MAML3: variants seen among roughly 807,000 people sequenced by gnomAD.
MAML3 encodes the protein mastermind like transcriptional coactivator 3, also known as mastermind-like protein 3.
In MAML3, 27 loss-of-function variants were observed where a neutral mutation model predicts 101.9. The observed-to-expected ratio is 0.27, with a 90% CI of 0.20 to 0.37. MAML3 has a LOEUF of 0.37. Ranked by LOEUF, MAML3 falls within the 10% of genes least tolerant of loss-of-function variation. The probability of loss-of-function intolerance (pLI) is 1.00; values close to 1 mark genes in which losing one functional copy is unlikely to be tolerated. For missense variants in MAML3, 1,316 were observed against 1,444.9 expected (o/e 0.91, Z 1.45); for synonymous variants, 501 against 555.9 (o/e 0.90, Z 1.39).
chr4:139,762,507 T>C (rs147969064), intron 2 of MAML3, among the ~76,000 whole-genome samples: 12 of 152,254 alleles, frequency 7.9e-5, no homozygotes, highest in African/African-American at 2.9e-4. Flanking sequence ...TGATGAGTAA[T>C]AGTGTTTGCC....
At chr4:140,134,702 G>A (rs1465493514) in intron 1 of MAML3, 1 of 257,650 alleles carries the variant, frequency 3.9e-6, no homozygotes, top group East Asian at 1.1e-4. Context: ...AAATTCGCTT[G>A]TCCCAGCACC....
chr4:140,006,904 G>A lies in MAML3; in HGVS notation c.469-115937C>T, dbSNP rs139677306. Among the ~76,000 whole-genome samples, 294 of 152,210 alleles carry A rather than the reference G, an allele frequency of 1.9e-3. 1 individual carries two copies. Among genetic ancestry groups the A allele is most frequent in the African/African-American group, 6.6e-3 (273 of 41,518 alleles). On this transcript the variant is annotated intron_variant, in intron 1 of 4. Transcript: ENST00000509479. ...ATATATTAACTCATTTAATCTTCCC[G>A]TCAACCCCTTGAGGTAGGTGCCATA...
rs1732457265 is a variant in MAML3 at position 139,890,608 on chromosome 4, T to C, written c.828A>G (p.Gln276=). 6.2e-7 allele frequency: 1 copy of C among 1,613,896 alleles called. No homozygotes were observed. Among genetic ancestry groups the C allele is most frequent in the African/African-American group, 1.3e-5 (1 of 74,932 alleles). The change falls in exon 2 of 5, where the codon CAA becomes CAG. Residue 276 remains glutamine, a synonymous_variant. Transcript: ENST00000509479. This position sits in a 1 kb window ranked among gnomAD's most constrained non-coding sequence, Gnocchi z 4.1. The part of the protein sequence containing the change: ...FTILQSKDLK[Q]EPLDDPTCID... ...TGCAAGTAGGGTCATCGAGAGGTTC[T>C]TGTTTGAGGTCTTTGCTCTGCAAGA...
intron 1 of MAML3, among the ~76,000 whole-genome samples, chr4:140,083,951 CACACACACACACACACAGAGAGAGAG>C (rs1247945554): frequency 7.7e-5 from 2 of 25,852 alleles, no homozygotes; most frequent in Non-Finnish European, 1.6e-4. Context: ...CACACACACA[CACACACACACACACACAGAGAGAGAG>C]AGAGAGAGAG....
intron 1 of MAML3, among the ~76,000 whole-genome samples, chr4:139,963,020 T>C (rs1734051117): frequency 6.6e-6 from 1 of 152,212 alleles, no homozygotes; most frequent in African/African-American, 2.4e-5. Context: ...TATTTTTCCG[T>C]GTTTTAAACC....
At chr4:139,886,208 A>G (rs552129707) in intron 2 of MAML3, among the ~76,000 whole-genome samples, 2 of 152,170 alleles carry the variant, frequency 1.3e-5, no homozygotes, top group South Asian at 4.1e-4. Context: ...TTCACAACTA[A>G]TATATGTCAA....
At chr4:139,756,236 C>T (rs891220545) in intron 2 of MAML3, among the ~76,000 whole-genome samples, 1 of 152,160 alleles carries the variant, frequency 6.6e-6, no homozygotes, top group Non-Finnish European at 1.5e-5. Context: ...ACTCCCTCCA[C>T]CCAATGAAAA....
At chr4:140,134,962 C>T (rs1278620937) in intron 1 of MAML3, among the ~76,000 whole-genome samples, 1 of 152,170 alleles carries the variant, frequency 6.6e-6, no homozygotes, top group African/African-American at 2.4e-5. Flanking sequence ...ACCGAGTAGC[C>T]CTGCTGGATC....
chr4:139,923,732 C>T (rs532269118), intron 1 of MAML3, among the ~76,000 whole-genome samples: 4 of 152,134 alleles, frequency 2.6e-5, no homozygotes, highest in South Asian at 4.2e-4. Context: ...TGTTTCCCTG[C>T]TTTATTAGAA....
intron 2 of MAML3, among the ~76,000 whole-genome samples, chr4:139,770,663 T>C (rs943486450): frequency 4.6e-5 from 7 of 152,210 alleles, no homozygotes; most frequent in Non-Finnish European, 7.3e-5. Flanking sequence ...GGATCTTCCC[T>C]GGAATGAAGC....
At chr4:139,899,374 A>G in intron 1 of MAML3, among the ~76,000 whole-genome samples, 1 of 152,212 alleles carries the variant, frequency 6.6e-6, no homozygotes, top group East Asian at 1.9e-4. Context: ...GATTTCTAGA[A>G]TATTTTTCAT....
rs112604271 is a variant in MAML3 at position 139,793,744 on chromosome 4, T to C, written c.2080-63077A>G. On this transcript the variant is annotated intron_variant, in intron 2 of 4. Coordinates refer to ENST00000509479, the MANE Select transcript of MAML3 (RefSeq NM_018717.5). ...CACTATCTGAGTCCAGAAATACAGA[T>C]CTTTAGCTCCAGAGGGTATTAAACA... Among the ~76,000 whole-genome samples the C allele has an allele frequency of 1.7e-3, 264 of 152,332 alleles. 1 individual carries two copies. Among genetic ancestry groups the C allele is most frequent in the African/African-American group, 6.1e-3 (255 of 41,578 alleles).
chr4:140,109,527 G>A (rs543447147), intron 1 of MAML3, among the ~76,000 whole-genome samples: 6 of 152,254 alleles, frequency 3.9e-5, no homozygotes, highest in South Asian at 4.1e-4. Flanking sequence ...GAAAGGCATC[G>A]TGTTAACCAT....
At chr4:139,953,751 A>G (rs1349903205) in intron 1 of MAML3, among the ~76,000 whole-genome samples, 1 of 152,256 alleles carries the variant, frequency 6.6e-6, no homozygotes, top group Non-Finnish European at 1.5e-5. Flanking sequence ...ACATTTAAAA[A>G]TACATAAAAG....
At chr4:139,864,693 A>AAG (rs1450394120) in intron 2 of MAML3, among the ~76,000 whole-genome samples, 1 of 150,088 alleles carries the variant, frequency 6.7e-6, no homozygotes, top group Non-Finnish European at 1.5e-5. Context: ...AAAAAAAAAA[A>AAG]AAAAAAGAAA....
chr4:140,037,373 T>G (rs754979020), intron 1 of MAML3, among the ~76,000 whole-genome samples: 1 of 152,240 alleles, frequency 6.6e-6, no homozygotes, highest in Non-Finnish European at 1.5e-5. Flanking sequence ...AACTGGAGTT[T>G]GCACTTTAAA....
chr4:139,894,771 T>C (rs17050982), intron 1 of MAML3, among the ~76,000 whole-genome samples: 28,883 of 152,056 alleles, frequency 0.19, 3,472 homozygotes, highest in African/African-American at 0.32. Context: ...CAGAAACTGC[T>C]AGAAAATGAT....
rs544115941 is a variant in MAML3, at chr4:139,744,708, G to A, written c.2080-14041C>T. Among the ~76,000 whole-genome samples the A allele has an allele frequency of 2.6e-4, 39 of 152,280 alleles. No individual in the cohort carries two copies. In the South Asian group the frequency reaches 7.7e-3, roughly 30 times the overall value. On this transcript the variant is annotated intron_variant, in intron 2 of 4. Transcript: ENST00000509479. ...CAGACTCTCACTGCAGTGCAGCCACGGCCCCTGTCCTGGAGGGAGACTGAA... is the reference window on the plus strand; with the variant it reads ...CAGACTCTCACTGCAGTGCAGCCACAGCCCCTGTCCTGGAGGGAGACTGAA...
chr4:139,973,336 G>A (rs1734263034), intron 1 of MAML3, among the ~76,000 whole-genome samples: 1 of 152,078 alleles, frequency 6.6e-6, no homozygotes, highest in East Asian at 1.9e-4. Flanking sequence ...GCAAAGGCAG[G>A]CTGAATTCGC....
Sources: gnomAD v4.1 joint callset for allele counts (sites outside exome capture counted in the v4.1 genomes callset) on GRCh38, gnomAD v4.1.1 for gene constraint, Gnocchi (gnomAD v3.1) non-coding constraint, MANE v1.5 for transcripts, NCBI Gene and HGNC (gene_info 2026-07-23, HGNC 2026-07-21) for gene names.